BMPER: variants seen among roughly 807,000 people sequenced by gnomAD.
The protein encoded by BMPER is BMP binding endothelial regulator.
Under a neutral mutation model 87.3 loss-of-function variants are expected in BMPER, and 45 were observed. The ratio of observed to expected loss-of-function variants is 0.52; its 90% confidence interval spans 0.41 to 0.66. BMPER has a LOEUF of 0.66. Ranked by LOEUF, BMPER falls within the 30% of genes least tolerant of loss-of-function variation. The probability of loss-of-function intolerance (pLI) is 0.00; values close to 1 mark genes in which losing one functional copy is unlikely to be tolerated. For missense variants in BMPER, 784 were observed against 867.5 expected, an observed-to-expected ratio of 0.90 and a Z score of 1.21; for synonymous variants, 326 against 316.2, an observed-to-expected ratio of 1.03 and a Z score of -0.33.
intron 6 of BMPER, among the ~76,000 whole-genome samples, chr7:34,044,255 C>T (rs1410323919): frequency 1.3e-5 from 2 of 152,156 alleles, no homozygotes; most frequent in African/African-American, 4.8e-5. Flanking sequence ...AATCTTTTGC[C>T]AGCTTTCCAA....
At chr7:33,918,001 G>GTTTATT (rs1224796683) in intron 2 of BMPER, among the ~76,000 whole-genome samples, 1 of 151,906 alleles carries the variant, frequency 6.6e-6, no homozygotes, top group Non-Finnish European at 1.5e-5. Flanking sequence ...TTTTAGCATC[G>GTTTATT]TTTATTTTTA....
At chr7:34,089,703 C>T (rs1295529468) in intron 13 of BMPER, among the ~76,000 whole-genome samples, 5 of 152,064 alleles carry the variant, frequency 3.3e-5, no homozygotes, top group East Asian at 3.9e-4. Flanking sequence ...AGGCTGATCT[C>T]GAATTCCTGA....
At chr7:33,995,683 A>C (rs575946423) in intron 6 of BMPER, among the ~76,000 whole-genome samples, 1 of 152,262 alleles carries the variant, frequency 6.6e-6, no homozygotes, top group Admixed American at 6.5e-5. Context: ...TGGTTCCATG[A>C]GGCCTGTGCA....
intron 10 of BMPER, 88 bp downstream of exon 10, chr7:34,058,251 G>A (rs1585786316): frequency 8.1e-7 from 1 of 1,231,004 alleles, no homozygotes; most frequent in African/African-American, 1.5e-5. Context: ...TCCGAACACA[G>A]ACTCCAGCTC....
At position 34,038,981 on chromosome 7, in the gene BMPER, T is replaced by C. The variant is rs143234708; in HGVS notation, c.577-7325T>C. The stretch of plus-strand genomic sequence containing the variant: ...CTTGGAGAAGCACAGTTCTACCCTG[T>C]CAGCTCTGATCACAGCTCTGTCTCC... On this transcript the variant is annotated intron_variant, in intron 6 of 14. Transcript: ENST00000649409. 2.8e-3 allele frequency among the ~76,000 whole-genome samples: 426 copies of C among 152,326 alleles called. 1 individual carries two copies. The highest frequency in any genetic ancestry group is 0.01 in the Middle Eastern group (3 of 294).
At chr7:34,000,392 G>C (rs1048739114) in intron 6 of BMPER, among the ~76,000 whole-genome samples, 1 of 151,944 alleles carries the variant, frequency 6.6e-6, no homozygotes, top group African/African-American at 2.4e-5. Context: ...GGACAGTTGG[G>C]GAAATTTGAA....
At chr7:33,957,338 G>A (rs73690114) in intron 3 of BMPER, among the ~76,000 whole-genome samples, 1,786 of 150,278 alleles carry the variant, frequency 0.012, 40 homozygotes, top group African/African-American at 0.041. Flanking sequence ...TATTCAGGTA[G>A]AAAAGAGTCA....
intron 6 of BMPER, among the ~76,000 whole-genome samples, chr7:34,011,324 TA>T (rs1786868276): frequency 6.6e-6 from 1 of 151,846 alleles, no homozygotes; most frequent in Non-Finnish European, 1.5e-5. Context: ...TGCTGGTTCA[TA>T]AGGCATACTT....
At chr7:34,041,851 G>A (rs1307429913) in intron 6 of BMPER, among the ~76,000 whole-genome samples, 3 of 152,126 alleles carry the variant, frequency 2.0e-5, no homozygotes, top group African/African-American at 7.2e-5. Flanking sequence ...GAATGTGGAA[G>A]AGTGTAGCTG....
chr7:33,905,445 G>A, upstream of BMPER: 1 of 25,142 alleles, frequency 4.0e-5, no homozygotes, highest in African/African-American at 3.4e-4. Context: ...CTCTCCCCCC[G>A]CCCTCCCTCA....
chr7:34,002,394 T>A (rs1057486158), intron 6 of BMPER, among the ~76,000 whole-genome samples: 1 of 151,828 alleles, frequency 6.6e-6, no homozygotes, highest in South Asian at 2.1e-4. Flanking sequence ...TAAATGTTCT[T>A]AGCATGATTA....
intron 6 of BMPER, among the ~76,000 whole-genome samples, chr7:33,990,313 C>A (rs1786168454): frequency 7.3e-6 from 1 of 137,244 alleles, no homozygotes; most frequent in Non-Finnish European, 1.6e-5. Context: ...TGTAGTTCTC[C>A]TTGAAGAGGT....
intron 6 of BMPER, among the ~76,000 whole-genome samples, chr7:34,031,997 G>T (rs201684134): frequency 1.2e-5 from 1 of 84,782 alleles, no homozygotes; most frequent in African/African-American, 5.7e-5. Context: ...AAATATATAT[G>T]TGTGTGTGTG....
intron 13 of BMPER, among the ~76,000 whole-genome samples, chr7:34,089,751 TG>T (rs1441289883): frequency 6.6e-6 from 1 of 152,176 alleles, no homozygotes; most frequent in Non-Finnish European, 1.5e-5. Context: ...CCCAAAGTGC[TG>T]GGATTACAGG....
chr7:34,024,377 A>C lies in BMPER; in HGVS notation c.577-21929A>C, dbSNP rs1281295925. ...TGTCTCAAAAAAAAAAAAAAAAAAAAAAAAACAATATATATATATATATAT... is the reference window on the plus strand; with the variant it reads ...TGTCTCAAAAAAAAAAAAAAAAAAACAAAAACAATATATATATATATATAT... On this transcript the variant is annotated intron_variant, in intron 6 of 14. Coordinates refer to ENST00000649409, the MANE Select transcript of BMPER (RefSeq NM_001365308.1). Among the ~76,000 whole-genome samples the C allele has an allele frequency of 4.4e-4, 40 of 90,888 alleles. 4 individuals carry two copies. Among genetic ancestry groups the C allele is most frequent in the African/African-American group, 1.8e-3 (32 of 17,562 alleles). The allele number at this position is 90,888 out of a possible 152,430, so 59.6% of individuals were successfully genotyped here.
At chr7:34,078,740 TGA>T in intron 11 of BMPER, 115 bp from the exon 12 acceptor site, 27 of 1,046,500 alleles carry the variant, frequency 2.6e-5, no homozygotes, top group Admixed American at 1.6e-4. Context: ...TTTTTTAAGT[TGA>T]TTTCCCTTAG....
chr7:34,119,877 G>T (rs916914345), intron 13 of BMPER, among the ~76,000 whole-genome samples: 1 of 151,976 alleles, frequency 6.6e-6, no homozygotes, highest in Non-Finnish European at 1.5e-5. Flanking sequence ...TGAAAGTAAA[G>T]ATGTGAAAAA....
At chr7:34,143,385 C>A (rs771664315) in intron 14 of BMPER, 25 bp downstream of exon 14, 1 of 1,613,286 alleles carries the variant, frequency 6.2e-7, no homozygotes, top group Non-Finnish European at 8.5e-7. Context: ...CTGGATCTAC[C>A]CATCAAAAGT....
chr7:34,144,127 AGAT>A (rs1443348207), intron 14 of BMPER, among the ~76,000 whole-genome samples: 7 of 152,188 alleles, frequency 4.6e-5, no homozygotes, highest in Non-Finnish European at 7.3e-5. Context: ...GCTTCTCTAC[AGAT>A]GATATTTCAG....
Sources: allele counts gnomAD v4.1 joint callset (sites outside exome capture counted in the v4.1 genomes callset), GRCh38; gene constraint gnomAD v4.1.1; transcripts MANE v1.5; gene names NCBI Gene and HGNC (gene_info 2026-07-23, HGNC 2026-07-21).